Variants in CDH2 observed in about 807,000 individuals in gnomAD.
CDH2 encodes the protein cadherin-2.
In CDH2, 17 loss-of-function variants were observed where a neutral mutation model predicts 92.0. That is an observed-to-expected ratio of 0.18 (90% CI 0.13 to 0.28). The LOEUF (loss-of-function observed/expected upper bound fraction) is 0.28, where lower values mean the gene tolerates loss of function less well. CDH2 is among the 10% of genes least tolerant of loss of function. The probability of loss-of-function intolerance (pLI) is 1.00; values close to 1 mark genes in which losing one functional copy is unlikely to be tolerated. For missense variants in CDH2, 862 were observed against 1,133.1 expected, an observed-to-expected ratio of 0.76 and a Z score of 3.44; for synonymous variants, 419 against 415.9, an observed-to-expected ratio of 1.01 and a Z score of -0.09.
At chr18:28,025,638 ATAC>A (rs1443414023) in intron 2 of CDH2, among the ~76,000 whole-genome samples, 17 of 151,466 alleles carry the variant, frequency 1.1e-4, no homozygotes, top group Non-Finnish European at 2.4e-4. Context: ...ATAATTATAC[ATAC>A]TTATAGGGTA....
At chr18:28,012,098 G>A in intron 3 of CDH2, 106 bp from the exon 4 acceptor site, 1 of 955,802 alleles carries the variant, frequency 1.0e-6, no homozygotes, top group Non-Finnish European at 1.5e-6. Flanking sequence ...AGTTTATTAT[G>A]AACAAAAAAT....
intron 2 of CDH2, among the ~76,000 whole-genome samples, chr18:28,116,157 T>A (rs776510597): frequency 1.3e-5 from 2 of 152,118 alleles, no homozygotes; most frequent in Non-Finnish European, 2.9e-5. Flanking sequence ...AATTATCTGG[T>A]TCAAAATGCC....
intron 14 of CDH2, among the ~76,000 whole-genome samples, chr18:27,977,344 A>G (rs1335608272): frequency 6.6e-6 from 1 of 152,170 alleles, no homozygotes; most frequent in Non-Finnish European, 1.5e-5. Context: ...GAAAAAAGAT[A>G]TCGGAGTAGT....
intron 2 of CDH2, among the ~76,000 whole-genome samples, chr18:28,062,428 C>T (rs999615604): frequency 6.6e-6 from 1 of 152,046 alleles, no homozygotes; most frequent in Non-Finnish European, 1.5e-5. Context: ...AGAGTTTTGC[C>T]TGTCCTGTCT....
chr18:27,992,728 C>A lies in CDH2; in HGVS notation c.1271G>T (p.Gly424Val). Residue 424 changes from glycine to valine, a missense_variant, in exon 9 of 16, where the codon GGC (glycine) becomes GTC (valine). Gly to Val is a moderately radical substitution (Grantham distance 109). Transcript: ENST00000269141. ...GGCGAACCGTCCAGTAGGATCTCCG[C>A]CACTGATTCTGTACACTGCGTTCCA... ...PAWNAVYRIS[G>V]GDPTGRFAIQ... 1 of 1,614,080 alleles carries A rather than the reference C, an allele frequency of 6.2e-7. No homozygotes were observed. The highest frequency in any genetic ancestry group is 8.5e-7 in the Non-Finnish European group (1 of 1,179,986).
Position 28,043,469 on chromosome 18 carries a change from TATATATATATATATATATATATATAA to T in CDH2, c.173-29586_173-29561del, listed in dbSNP as rs1427280913. Reference sequence around the variant, plus strand: ...AATTACTGATATAAATAAATATATATATATATATATATATATATATATATAAATATATATATATATATATATAAACA... The same window carrying T: ...AATTACTGATATAAATAAATATATATATATATATATATATATATATAAACA... On this transcript the variant is annotated intron_variant, in intron 2 of 15. Coordinates refer to ENST00000269141, the MANE Select transcript of CDH2 (RefSeq NM_001792.5). Among the ~76,000 whole-genome samples the T allele has an allele frequency of 6.0e-3, 399 of 66,050 alleles. 4 individuals are homozygous for T. The highest frequency in any genetic ancestry group is 0.026 in the East Asian group (49 of 1,866). The allele number at this position is 66,050 out of a possible 152,430, so 43.3% of individuals were successfully genotyped here.
chr18:28,103,972 C>T (rs536905801), intron 2 of CDH2, among the ~76,000 whole-genome samples: 1 of 152,112 alleles, frequency 6.6e-6, no homozygotes, highest in Non-Finnish European at 1.5e-5. Flanking sequence ...ATGAATACCA[C>T]TGGCCCAGGA....
intron 2 of CDH2, among the ~76,000 whole-genome samples, chr18:28,021,863 T>C (rs2013418723): frequency 6.6e-6 from 1 of 152,014 alleles, no homozygotes; most frequent in Admixed American, 6.6e-5. Flanking sequence ...TGTCTAAGTA[T>C]CTTTGACTTT....
At chr18:28,083,768 T>C (rs2014875481) in intron 2 of CDH2, among the ~76,000 whole-genome samples, 1 of 152,166 alleles carries the variant, frequency 6.6e-6, no homozygotes, top group Admixed American at 6.6e-5. Flanking sequence ...TGAATTCATG[T>C]TTTTCTGCTG....
chr18:27,994,999 A>C (rs987693560), intron 7 of CDH2, among the ~76,000 whole-genome samples: 8 of 152,174 alleles, frequency 5.3e-5, no homozygotes, highest in African/African-American at 1.9e-4. Context: ...CTTAACCCAC[A>C]GTACCTCACT....
intron 7 of CDH2, among the ~76,000 whole-genome samples, chr18:28,001,333 G>C (rs963231431): frequency 1.3e-5 from 2 of 152,066 alleles, no homozygotes; most frequent in Non-Finnish European, 2.9e-5. Context: ...AAAACATCCA[G>C]TCTAAATGAG....
intron 1 of CDH2, among the ~76,000 whole-genome samples, chr18:28,172,135 C>T (rs1281807777): frequency 2.6e-5 from 4 of 151,124 alleles, no homozygotes; most frequent in Non-Finnish European, 5.9e-5. Context: ...GGCTTGGGGG[C>T]TGTAAGTACA....
At chr18:28,069,899 A>C (rs1234264189) in intron 2 of CDH2, among the ~76,000 whole-genome samples, 1 of 152,128 alleles carries the variant, frequency 6.6e-6, no homozygotes, top group African/African-American at 2.4e-5. Context: ...AATGCCATAA[A>C]AATGTAATGC....
intron 1 of CDH2, among the ~76,000 whole-genome samples, chr18:28,148,422 G>C (rs755202499): frequency 6.6e-6 from 1 of 152,102 alleles, no homozygotes; most frequent in Non-Finnish European, 1.5e-5. Flanking sequence ...CCAAGTATCT[G>C]TCATTTTCTA....
chr18:28,093,921 G>A (rs114508288), intron 2 of CDH2, among the ~76,000 whole-genome samples: 69 of 152,276 alleles, frequency 4.5e-4, no homozygotes, highest in African/African-American at 1.6e-3. Context: ...CAGAATGAAG[G>A]GAAACAGCGG....
intron 2 of CDH2, among the ~76,000 whole-genome samples, chr18:28,094,164 T>C (rs1200899932): frequency 1.3e-5 from 2 of 152,150 alleles, no homozygotes; most frequent in East Asian, 1.9e-4. Flanking sequence ...TGTTTTGGAG[T>C]TCCTCAACTA....
chr18:27,964,614 T>G (rs2011491922), intron 14 of CDH2, among the ~76,000 whole-genome samples: 1 of 152,260 alleles, frequency 6.6e-6, no homozygotes, highest in Non-Finnish European at 1.5e-5. Context: ...GATTTTGATT[T>G]ATTCGACAGT....
At chr18:28,176,827 CGG>C in intron 1 of CDH2, 134 bp downstream of exon 1, 1 of 287,638 alleles carries the variant, frequency 3.5e-6, no homozygotes, top group Non-Finnish European at 5.2e-6. Context: ...ACCGGCCGCG[CGG>C]CGCGGCGCGG....
At chr18:28,088,141 ACTAATTTATAACACTACAT>A (rs1254480360) in intron 2 of CDH2, among the ~76,000 whole-genome samples, 1 of 152,224 alleles carries the variant, frequency 6.6e-6, no homozygotes, top group Non-Finnish European at 1.5e-5. Context: ...GTGAGAAGCA[ACTAATTTATAACACTACAT>A]TGACAAAAAC....
Sources: gnomAD v4.1 joint callset for allele counts (sites outside exome capture counted in the v4.1 genomes callset) on GRCh38, gnomAD v4.1.1 for gene constraint, MANE v1.5 for transcripts, NCBI Gene and HGNC (gene_info 2026-07-23, HGNC 2026-07-21) for gene names.